Variants in NHLRC2 observed in about 807,000 individuals in gnomAD.
The protein encoded by NHLRC2 is NHL repeat-containing protein 2.
In NHLRC2, 33 loss-of-function variants were observed where a neutral mutation model predicts 68.1. That is an observed-to-expected ratio of 0.48 (90% CI 0.37 to 0.65). NHLRC2 has a LOEUF of 0.65. NHLRC2 is among the 30% of genes least tolerant of loss of function. NHLRC2 has a pLI of 0.00. For synonymous variants in NHLRC2, 311 were observed against 309.6 expected (o/e 1.00, Z -0.05); for missense variants, 761 against 853.8 (o/e 0.89, Z 1.35).
In NHLRC2 at chr10:113,903,615, A is replaced by G; in HGVS notation, c.1583A>G (p.Glu528Gly). The G allele has an allele frequency of 1.2e-6, 2 of 1,610,794 alleles. 1 individual carries two copies. The highest frequency in any genetic ancestry group is 3.3e-4 in the Middle Eastern group (2 of 6,052). Reference sequence around the variant, plus strand: ...AATGTTACCAGTTCCAGTTTTACAGAGTCAACTTTTAATGAACCAGGAGGC... The same window carrying G: ...AATGTTACCAGTTCCAGTTTTACAGGGTCAACTTTTAATGAACCAGGAGGC... Reference protein sequence around the residue: ...TNNVTSSSFTESTFNEPGGLC... With the variant: ...TNNVTSSSFTGSTFNEPGGLC... The change falls in exon 9 of 11, where the codon GAG becomes GGG. Residue 528 changes from glutamate to glycine, a missense_variant. Coordinates refer to ENST00000369301, the MANE Select transcript of NHLRC2 (RefSeq NM_198514.4).
chr10:113,866,728 G>A (rs1034400409), intron 2 of NHLRC2, among the ~76,000 whole-genome samples: 1 of 151,470 alleles, frequency 6.6e-6, no homozygotes, highest in Non-Finnish European at 1.5e-5. Flanking sequence ...CTCAAACCTC[G>A]CCTGCCCGCC....
rs559614108 is a variant in NHLRC2 at position 113,916,079 on chromosome 10, A to G, written c.*7543A>G. ...ACATTTAGAAGGACTCTGCCCTACA[A>G]CTATCTTCTGTTTTTAGAATTTGTA... On this transcript the variant is annotated 3_prime_UTR_variant, in exon 11 of 11. Coordinates refer to ENST00000369301, the MANE Select transcript of NHLRC2 (RefSeq NM_198514.4). The G allele has an allele frequency of 7.2e-5, 11 of 152,210 alleles. No individual in the cohort carries two copies. Among genetic ancestry groups the G allele is most frequent in the Middle Eastern group, 3.2e-3 (1 of 316 alleles). 9.4% of individuals were successfully genotyped at this position (152,210 alleles called of 1,614,324 possible).
intron 6 of NHLRC2, among the ~76,000 whole-genome samples, chr10:113,898,458 C>T (rs543380117): frequency 6.4e-4 from 97 of 152,344 alleles, no homozygotes; most frequent in African/African-American, 2.3e-3. Context: ...CTTCGCCAGT[C>T]ATCCTGGCAC....
chr10:113,865,289 C>CA (rs1319140862), intron 2 of NHLRC2, among the ~76,000 whole-genome samples: 1 of 139,846 alleles, frequency 7.2e-6, no homozygotes, highest in African/African-American at 2.6e-5. Flanking sequence ...CATCCCCCCC[C>CA]CCCGTTCCTC....
chr10:113,854,788 G>A lies in NHLRC2; in HGVS notation c.-85G>A. 1 of 1,212,656 alleles carries A rather than the reference G, an allele frequency of 8.2e-7. No homozygotes were observed. Among genetic ancestry groups the A allele is most frequent in the Non-Finnish European group, 1.1e-6 (1 of 885,968 alleles). 75.1% of individuals were successfully genotyped at this position (1,212,656 alleles called of 1,614,324 possible). On this transcript the variant is annotated 5_prime_UTR_variant, in exon 1 of 11. Transcript: ENST00000369301. ...GAGGGTGAGGTGAATGCGCCGTTTG[G>A]AAACCACAGGACAGTGAACGTTTCG... is the stretch of plus-strand genomic sequence containing the variant.
chr10:113,901,182 C>G (rs1025861093), intron 6 of NHLRC2, among the ~76,000 whole-genome samples: 2 of 152,050 alleles, frequency 1.3e-5, no homozygotes, highest in Non-Finnish European at 2.9e-5. Context: ...AAAAACTATT[C>G]TTTAATTCCT....
chr10:113,907,813 C>T (rs1442450507), intron 10 of NHLRC2, among the ~76,000 whole-genome samples: 1 of 152,018 alleles, frequency 6.6e-6, no homozygotes, highest in Non-Finnish European at 1.5e-5. Flanking sequence ...ACCAGAAAGT[C>T]ACTACAGAGT....
chr10:113,898,159 T>A lies in NHLRC2; in HGVS notation c.1089T>A (p.Thr363=). 1 of 1,613,178 alleles carries A rather than the reference T, an allele frequency of 6.2e-7. No individual in the cohort carries two copies. The highest frequency in any genetic ancestry group is 8.5e-7 in the Non-Finnish European group (1 of 1,179,202). Residue 363 remains threonine (T), a synonymous_variant, in exon 6 of 11, where the codon ACT becomes ACA. Coordinates refer to ENST00000369301, the MANE Select transcript of NHLRC2 (RefSeq NM_198514.4). ...TTTTATGGATAGCCATGGCAGGGACTCATCAGATATGGGCACTCCTGCTGG... is the reference window on the plus strand; with the variant it reads ...TTTTATGGATAGCCATGGCAGGGACACATCAGATATGGGCACTCCTGCTGG... ...GDILWIAMAG[T]HQIWALLLDS...
chr10:113,904,641 T>C (rs1006857449), intron 9 of NHLRC2, among the ~76,000 whole-genome samples, 176 bp from the exon 10 acceptor site: 1 of 152,220 alleles, frequency 6.6e-6, no homozygotes, highest in Non-Finnish European at 1.5e-5. Flanking sequence ...ATAAACTTTC[T>C]CTGTGTCTAC....
intron 2 of NHLRC2, among the ~76,000 whole-genome samples, chr10:113,870,060 A>G (rs944403426): frequency 6.6e-6 from 1 of 152,158 alleles, no homozygotes; most frequent in Admixed American, 6.5e-5. Flanking sequence ...TGGGAACTAG[A>G]TGTGCTCATT....
At chr10:113,902,846 A>T (rs749945104) in intron 8 of NHLRC2, among the ~76,000 whole-genome samples, 20 of 152,242 alleles carry the variant, frequency 1.3e-4, no homozygotes, top group Non-Finnish European at 2.4e-4. Flanking sequence ...ATTGCAACCC[A>T]TCAAAGCTGC....
Position 113,901,917 on chromosome 10 carries a change from C to T in NHLRC2, c.1371+20C>T, listed in dbSNP as rs376753494. On this transcript the variant is annotated intron_variant, in intron 7 of 10. Coordinates refer to ENST00000369301, the MANE Select transcript of NHLRC2 (RefSeq NM_198514.4). ...CCCATGGTAATGACAGTCACTCTTG[C>T]ACAGTGCGCTCGGACACTGAGCAAG... 6.6e-7 allele frequency: 1 copy of T among 1,515,000 alleles called. No individual in the cohort carries two copies. 93.8% of individuals were successfully genotyped at this position (1,515,000 alleles called of 1,614,324 possible). A position where few individuals can be genotyped will look rare whatever the true frequency, so the allele number is the denominator to read the frequency against.
chr10:113,874,471 TGTG>T (rs1845960667), intron 2 of NHLRC2, among the ~76,000 whole-genome samples: 1 of 151,030 alleles, frequency 6.6e-6, no homozygotes, highest in Admixed American at 6.6e-5. Flanking sequence ...TGTGTGTGTG[TGTG>T]TGTGTGTGTG....
chr10:113,874,436 ATGTGTTTGTGTG>A (rs1439714901), intron 2 of NHLRC2, among the ~76,000 whole-genome samples: 5 of 108,552 alleles, frequency 4.6e-5, no homozygotes, highest in African/African-American at 1.8e-4. Context: ...CTTTCAAGGC[ATGTGTTTGTGTG>A]TGTGTGTGTG....
intron 6 of NHLRC2, among the ~76,000 whole-genome samples, chr10:113,901,324 A>G (rs890760626): frequency 6.6e-6 from 1 of 152,212 alleles, no homozygotes; most frequent in Non-Finnish European, 1.5e-5. Flanking sequence ...TAAGAAGTTA[A>G]GAATTTAAGG....
Position 113,883,145 on chromosome 10 carries a change from G to A in NHLRC2, c.910-1106G>A, listed in dbSNP as rs554905844. On this transcript the variant is annotated intron_variant, in intron 4 of 10. Coordinates refer to ENST00000369301, the MANE Select transcript of NHLRC2 (RefSeq NM_198514.4). Reference sequence around the variant, plus strand: ...TTCAAGATTATTTTGGCTATCCTAGGTCCCTTGCAATTTGATAAGAATTTT... The same window carrying A: ...TTCAAGATTATTTTGGCTATCCTAGATCCCTTGCAATTTGATAAGAATTTT... 5.3e-5 allele frequency among the ~76,000 whole-genome samples: 8 copies of A among 151,830 alleles called. No individual in the cohort carries two copies. In the South Asian group the frequency reaches 1.7e-3, roughly 31 times the overall value.
chr10:113,861,631 C>T (rs1845817614), intron 2 of NHLRC2, among the ~76,000 whole-genome samples: 1 of 152,106 alleles, frequency 6.6e-6, no homozygotes, highest in Non-Finnish European at 1.5e-5. Flanking sequence ...CATTAATAGA[C>T]CTGTCCTGAA....
intron 6 of NHLRC2, among the ~76,000 whole-genome samples, chr10:113,898,669 G>A (rs1228720865): frequency 6.6e-6 from 1 of 152,144 alleles, no homozygotes; most frequent in African/African-American, 2.4e-5. Context: ...TATCTTTTAA[G>A]ACATAGTTGA....
chr10:113,870,491 A>G (rs151239163), intron 2 of NHLRC2, among the ~76,000 whole-genome samples: 457 of 152,332 alleles, frequency 3.0e-3, no homozygotes, highest in Non-Finnish European at 4.3e-3. Context: ...TTTAAAAATA[A>G]CTGCATAGTA....
Sources: gnomAD v4.1 joint callset for allele counts (sites outside exome capture counted in the v4.1 genomes callset) on GRCh38, gnomAD v4.1.1 for gene constraint, MANE v1.5 for transcripts, NCBI Gene and HGNC (gene_info 2026-07-23, HGNC 2026-07-21) for gene names.